Variants in MYRF observed in about 807,000 individuals in gnomAD.
The protein encoded by MYRF is myelin regulatory factor, also known as myelin gene regulatory factor.
Under a neutral mutation model 126.3 loss-of-function variants are expected in MYRF, and 16 were observed. That is an observed-to-expected ratio of 0.13 (90% CI 0.09 to 0.19). The LOEUF is 0.19. Among genes scored for constraint, MYRF ranks in the 10% least tolerant of loss-of-function variants. The pLI is 1.00. For synonymous variants in MYRF, 608 were observed against 635.3 expected, an observed-to-expected ratio of 0.96 and a Z score of 0.65; for missense variants, 1,104 against 1,547.0, an observed-to-expected ratio of 0.71 and a Z score of 4.80.
Position 61,784,302 on chromosome 11 carries a change from G to A in MYRF, c.3217G>A (p.Val1073Met), listed in dbSNP as rs769704566. 9 of 1,613,956 alleles carry A rather than the reference G, an allele frequency of 5.6e-6. No individual in the cohort carries two copies. The Admixed American group carries it at 8.3e-5, about 15-fold the overall frequency. Residue 1073 changes from valine to methionine, a missense_variant, in exon 25 of 27, where the codon GTG (valine) becomes ATG (methionine). Val to Met is a conservative substitution (Grantham distance 21). Around this residue, in one of 10 missense-constraint regions of MYRF, gnomAD observed 94 missense variants for 164.6 expected, o/e 0.57. Transcript: ENST00000278836. ...CAGCTCCTCCTCCCCCGTGTCTGTG[G>A]TGCTGTGCAGCCTGAGGTCAAAGGA... The part of the protein sequence containing the change: ...QMNSSSPVSV[V>M]LCSLRSKEEP...
chr11:61,760,854 A>C (rs966921305), intron 1 of MYRF, among the ~76,000 whole-genome samples: 24 of 152,216 alleles, frequency 1.6e-4, no homozygotes, highest in African/African-American at 5.5e-4. Flanking sequence ...TTGACTCTGG[A>C]GGTCTCTCTG....
Position 61,765,941 on chromosome 11 carries a change from G to T in MYRF, c.135-17G>T. On this transcript the variant is annotated splice_polypyrimidine_tract_variant and intron_variant, in intron 2 of 26. Coordinates refer to ENST00000278836, the MANE Select transcript of MYRF (RefSeq NM_001127392.3). ...CTGGGGTCCTGGCTGGAGCTGAGCC[G>T]CCCCCCTTCCCCGCAGCTGCTTCCC... 6.7e-7 allele frequency: 1 copy of T among 1,484,782 alleles called. No individual in the cohort carries two copies. Among genetic ancestry groups the T allele is most frequent in the African/African-American group, 1.4e-5 (1 of 71,758 alleles). 92.0% of individuals were successfully genotyped at this position (1,484,782 alleles called of 1,614,324 possible).
At chr11:61,761,158 G>A (rs867731586) in intron 1 of MYRF, among the ~76,000 whole-genome samples, 2 of 152,164 alleles carry the variant, frequency 1.3e-5, no homozygotes, top group Non-Finnish European at 1.5e-5. Flanking sequence ...GACGGGGCAG[G>A]GGAGGGGGTG....
chr11:61,770,290 G>A lies in MYRF; in HGVS notation c.505G>A (p.Val169Met), dbSNP rs775177014. Residue 169 changes from valine to methionine, a missense_variant, in exon 5 of 27, where the codon GTG becomes ATG. Val to Met is a conservative substitution (Grantham distance 21, BLOSUM62 1). Coordinates refer to ENST00000278836, the MANE Select transcript of MYRF (RefSeq NM_001127392.3). ...GATAACCCCTGAGACACTGTGCCAC[G>A]TGGGAGTGCCCTCCCGCCTGGAGCA... is the stretch of plus-strand genomic sequence containing the variant. ...RTITPETLCH[V>M]GVPSRLEHPP... is the part of the protein sequence containing the mutation. 2.1e-5 allele frequency: 34 copies of A among 1,607,496 alleles called. No homozygotes were observed. Among genetic ancestry groups the A allele is most frequent in the Admixed American group, 8.4e-5 (5 of 59,702 alleles).
intron 1 of MYRF, chr11:61,755,381 T>G: frequency 6.3e-7 from 1 of 1,590,496 alleles, no homozygotes; most frequent in Non-Finnish European, 8.6e-7. Flanking sequence ...GCAGCCCAGA[T>G]CGGCGGGCAC....
chr11:61,778,797 G>T lies in MYRF; in HGVS notation c.2013+308G>T. On this transcript the variant is annotated intron_variant, in intron 14 of 26. Transcript: ENST00000278836. The surrounding 1 kb of genome is among the most constrained non-coding windows in gnomAD (Gnocchi z 4.6). Reference sequence around the variant, plus strand: ...TAGAACTGCACAGACATCCTCGTATGGTTACCTCCAGGCTGAAATACGTGG... The same window carrying T: ...TAGAACTGCACAGACATCCTCGTATTGTTACCTCCAGGCTGAAATACGTGG... 1.7e-6 allele frequency: 1 copy of T among 577,312 alleles called. No individual in the cohort carries two copies. 35.8% of individuals were successfully genotyped at this position (577,312 alleles called of 1,614,324 possible).
In MYRF at chr11:61,776,447, G is replaced by A; in HGVS notation, c.1499+15G>A. ...CCGGACCAGAGGTGAGCAGGTGGGG[G>A]CCCTGCCCCGGAGCCCCTCCATTTC... On this transcript the variant is annotated intron_variant, in intron 10 of 26. Transcript: ENST00000278836. The surrounding 1 kb of genome is among the most constrained non-coding windows in gnomAD (Gnocchi z 4.3). The A allele has an allele frequency of 1.9e-6, 3 of 1,601,708 alleles. No individual in the cohort carries two copies. The highest frequency in any genetic ancestry group is 1.7e-6 in the Non-Finnish European group (2 of 1,172,852).
intron 1 of MYRF, chr11:61,755,581 C>A: frequency 2.7e-6 from 3 of 1,095,220 alleles, no homozygotes; most frequent in Non-Finnish European, 4.1e-6. Context: ...ACCGTCTGTG[C>A]CTGGCAGGGA....
chr11:61,769,329 C>T lies in MYRF; in HGVS notation c.460+8C>T, dbSNP rs2066144292. On this transcript the variant is annotated splice_region_variant and intron_variant, in intron 4 of 26. Transcript: ENST00000278836. The stretch of plus-strand genomic sequence containing the variant: ...CCCCCCAGCAGGTGAATGGTGAGTC[C>T]AGCGGGCACCGCCCTCCTGCTCCAG... 6.2e-7 allele frequency: 1 copy of T among 1,605,686 alleles called. No individual in the cohort carries two copies. The highest frequency in any genetic ancestry group is 8.5e-7 in the Non-Finnish European group (1 of 1,176,200).
intron 1 of MYRF, among the ~76,000 whole-genome samples, chr11:61,759,970 A>T (rs185228158): frequency 4.0e-5 from 6 of 151,810 alleles, no homozygotes; most frequent in African/African-American, 1.5e-4. Context: ...GCTAGCAGTT[A>T]TAGATTTTTT....
rs966021217 is a variant in MYRF, at chr11:61,752,636, G to A, written c.-109G>A. Reference sequence around the variant, plus strand: ...GCGCGGCGGCGGACCGGGCGGGACCGTAGCCGGAGCCCAGCCGGGACTGTC... The same window carrying A: ...GCGCGGCGGCGGACCGGGCGGGACCATAGCCGGAGCCCAGCCGGGACTGTC... On this transcript the variant is annotated 5_prime_UTR_variant, in exon 1 of 27. Transcript: ENST00000278836. The A allele has an allele frequency of 8.2e-6, 7 of 852,046 alleles. No homozygotes were observed. Among genetic ancestry groups the A allele is most frequent in the Admixed American group, 4.9e-5 (1 of 20,286 alleles). The allele number at this position is 852,046 out of a possible 1,614,324, so 52.8% of individuals were successfully genotyped here. A position where few individuals can be genotyped will look rare whatever the true frequency, so the allele number is the denominator to read the frequency against.
At chr11:61,770,598 C>A (rs1470884674) in intron 5 of MYRF, 73 bp downstream of exon 5, 1 of 1,435,426 alleles carries the variant, frequency 7.0e-7, no homozygotes, top group South Asian at 1.4e-5. Context: ...GGGCGGCGGG[C>A]AGGCCAGAGA....
intron 1 of MYRF, among the ~76,000 whole-genome samples, chr11:61,753,196 T>C (rs569258): frequency 0.3 from 45,481 of 151,710 alleles, 7,113 homozygotes; most frequent in Middle Eastern, 0.36. Flanking sequence ...AGACCCCCGG[T>C]GTGCCTTCTA....
Position 61,766,184 on chromosome 11 carries a change from C to T in MYRF, c.361C>T (p.Pro121Ser). 1.2e-5 allele frequency: 20 copies of T among 1,611,040 alleles called. No individual in the cohort carries two copies. The highest frequency in any genetic ancestry group is 1.7e-5 in the Non-Finnish European group (20 of 1,179,478). The stretch of plus-strand genomic sequence containing the variant: ...GCCCTTCCCGGGGGGCACCGGGCCC[C>T]CCATCAAGGCTGAGCCCAAGGCTCC... ...PKPFPGGTGPPIKAEPKAPYA... is the reference protein window; with the variant it reads ...PKPFPGGTGPSIKAEPKAPYA... Residue 121 changes from proline (P) to serine (S), a missense_variant, in exon 3 of 27, where the codon CCC becomes TCC. Pro to Ser is a moderately conservative substitution (Grantham distance 74). Around this residue, in one of 10 missense-constraint regions of MYRF, gnomAD observed 368 missense variants for 403.9 expected, o/e 0.91. Transcript: ENST00000278836.
chr11:61,765,947 CT>C lies in MYRF; in HGVS notation c.135-9del. 6.7e-7 allele frequency: 1 copy of C among 1,491,272 alleles called. No individual in the cohort carries two copies. The allele number at this position is 1,491,272 out of a possible 1,614,324, so 92.4% of individuals were successfully genotyped here. The stretch of plus-strand genomic sequence containing the variant: ...TCCTGGCTGGAGCTGAGCCGCCCCC[CT>C]TCCCCGCAGCTGCTTCCCTGACATC... On this transcript the variant is annotated splice_polypyrimidine_tract_variant and intron_variant, in intron 2 of 26. Coordinates refer to ENST00000278836, the MANE Select transcript of MYRF (RefSeq NM_001127392.3).
intron 4 of MYRF, 48 bp from the exon 5 acceptor site, chr11:61,770,198 C>T (rs1442689146): frequency 2.0e-6 from 3 of 1,526,264 alleles, no homozygotes; most frequent in Non-Finnish European, 2.6e-6. Context: ...TGCCCAGGAG[C>T]CTGAGTGAGG....
intron 22 of MYRF, 170 bp downstream of exon 22, chr11:61,781,994 TC>T: frequency 1.5e-6 from 1 of 677,698 alleles, no homozygotes; most frequent in Non-Finnish European, 2.3e-6. Context: ...ACATAGATCA[TC>T]CCATTTAGTC....
chr11:61,756,427 T>TG (rs1328297239), intron 1 of MYRF, among the ~76,000 whole-genome samples: 2 of 152,152 alleles, frequency 1.3e-5, no homozygotes, highest in African/African-American at 4.8e-5. Flanking sequence ...ATCCGGGGGC[T>TG]GAGCTGGGCT....
intron 18 of MYRF, 66 bp downstream of exon 18, chr11:61,780,356 A>G: frequency 7.2e-7 from 1 of 1,388,974 alleles, no homozygotes; most frequent in Non-Finnish European, 1.0e-6. Context: ...GTCCCAGGTC[A>G]GAGAGCCATG....
Sources: allele counts gnomAD v4.1 joint callset (sites outside exome capture counted in the v4.1 genomes callset), GRCh38; gene constraint gnomAD v4.1.1; regional missense constraint gnomAD v4.1.1; non-coding constraint Gnocchi (gnomAD v3.1); transcripts MANE v1.5; gene names NCBI Gene and HGNC (gene_info 2026-07-23, HGNC 2026-07-21).